The following SLC30A9 variants were observed in gnomAD, a reference collection of about 807,000 sequenced individuals.
The protein encoded by SLC30A9 is proton-coupled zinc antiporter SLC30A9, mitochondrial.
SLC30A9 carries 58 observed loss-of-function variants against 87.5 expected under a neutral mutation model. The ratio of observed to expected loss-of-function variants is 0.66; its 90% confidence interval spans 0.54 to 0.82. The LOEUF is 0.82. Ranked by LOEUF, SLC30A9 falls within the 40% of genes least tolerant of loss-of-function variation. The pLI is 0.00. For missense variants in SLC30A9, 557 were observed against 679.1 expected, an observed-to-expected ratio of 0.82 and a Z score of 2.00; for synonymous variants, 234 against 233.0, an observed-to-expected ratio of 1.00 and a Z score of -0.04.
intron 8 of SLC30A9, among the ~76,000 whole-genome samples, chr4:42,040,090 G>A (rs1344221030): frequency 6.6e-6 from 1 of 152,168 alleles, no homozygotes; most frequent in Non-Finnish European, 1.5e-5. Flanking sequence ...TATGTTCAAG[G>A]ATAGTGACCA....
At chr4:42,079,483 G>A (rs1168835517) in intron 17 of SLC30A9, among the ~76,000 whole-genome samples, 1 of 151,796 alleles carries the variant, frequency 6.6e-6, no homozygotes, top group Non-Finnish European at 1.5e-5. Flanking sequence ...TAGCAGAGAT[G>A]AGGTTTCACC....
intron 8 of SLC30A9, among the ~76,000 whole-genome samples, chr4:42,043,365 G>A (rs370338565): frequency 1.3e-5 from 2 of 152,100 alleles, no homozygotes; most frequent in African/African-American, 2.4e-5. Context: ...CCAGTTTAGA[G>A]AAGAACATAA....
chr4:42,020,391 T>C lies in SLC30A9; in HGVS notation c.335-25T>C, dbSNP rs764077575. 1.3e-5 allele frequency: 14 copies of C among 1,111,396 alleles called. No homozygotes were observed. In the East Asian group the frequency reaches 3.5e-4, roughly 28 times the overall value. The allele number at this position is 1,111,396 out of a possible 1,614,324, so 68.8% of individuals were successfully genotyped here. ...ATGTGACTTTCAATGTGCATATTTATTATGTTTTCCTGTTTTTTGTTTAGT... is the reference window on the plus strand; with the variant it reads ...ATGTGACTTTCAATGTGCATATTTACTATGTTTTCCTGTTTTTTGTTTAGT... On this transcript the variant is annotated intron_variant, in intron 3 of 17. Coordinates refer to ENST00000264451, the MANE Select transcript of SLC30A9 (RefSeq NM_006345.4).
chr4:42,022,946 T>C lies in SLC30A9; in HGVS notation c.527+16T>C. ...TGGAAGCAAAGTAAGAACATAGTTCTTTCAGAATAAAAGTGCAAACCAAAT... is the reference window on the plus strand; with the variant it reads ...TGGAAGCAAAGTAAGAACATAGTTCCTTCAGAATAAAAGTGCAAACCAAAT... On this transcript the variant is annotated intron_variant, in intron 5 of 17. Coordinates refer to ENST00000264451, the MANE Select transcript of SLC30A9 (RefSeq NM_006345.4). 1 of 1,449,922 alleles carries C rather than the reference T, an allele frequency of 6.9e-7. No individual in the cohort carries two copies. Among genetic ancestry groups the C allele is most frequent in the Non-Finnish European group, 9.4e-7 (1 of 1,062,632 alleles). 89.8% of individuals were successfully genotyped at this position (1,449,922 alleles called of 1,614,324 possible).
Position 42,089,873 on chromosome 4 carries a change from A to G in SLC30A9, c.*3747A>G, listed in dbSNP as rs1473869832. 2 of 151,858 alleles carry G rather than the reference A, an allele frequency of 1.3e-5. No individual in the cohort carries two copies. Among genetic ancestry groups the G allele is most frequent in the Non-Finnish European group, 2.9e-5 (2 of 67,928 alleles). The allele number at this position is 151,858 out of a possible 1,614,324, so 9.4% of individuals were successfully genotyped here. On this transcript the variant is annotated 3_prime_UTR_variant, in exon 18 of 18. Transcript: ENST00000264451. ...GTAATCCCTGCATACATCCTCCTAC[A>G]CACACACACATAGTGCAAAGTGAAT...
At chr4:42,055,207 C>G (rs1717553956) in intron 9 of SLC30A9, among the ~76,000 whole-genome samples, 1 of 152,060 alleles carries the variant, frequency 6.6e-6, no homozygotes, top group Admixed American at 6.5e-5. Context: ...CTGGACCTTT[C>G]TGAATAGATG....
intron 2 of SLC30A9, among the ~76,000 whole-genome samples, chr4:42,002,812 T>G (rs977441466): frequency 6.6e-6 from 1 of 152,082 alleles, no homozygotes; most frequent in Non-Finnish European, 1.5e-5. Context: ...TGGCTGGAGT[T>G]CTTTGAGAAA....
At chr4:42,079,441 C>G (rs1718675403) in intron 17 of SLC30A9, among the ~76,000 whole-genome samples, 1 of 151,808 alleles carries the variant, frequency 6.6e-6, no homozygotes, top group African/African-American at 2.4e-5. Context: ...CTACAGGTGC[C>G]TGCCACCATG....
chr4:41,992,363 A>G (rs1577672237), intron 1 of SLC30A9, among the ~76,000 whole-genome samples: 1 of 151,974 alleles, frequency 6.6e-6, no homozygotes, highest in East Asian at 1.9e-4. Context: ...GAAAAGAAAA[A>G]GAAAAATGAA....
intron 6 of SLC30A9, chr4:42,030,227 A>T (rs1473253895): frequency 1.5e-5 from 4 of 270,642 alleles, no homozygotes; most frequent in Non-Finnish European, 2.7e-5. Flanking sequence ...ACCTACACTT[A>T]AAGCATAATC....
At chr4:42,057,421 A>G (rs1204667298) in intron 9 of SLC30A9, among the ~76,000 whole-genome samples, 1 of 152,210 alleles carries the variant, frequency 6.6e-6, no homozygotes, top group Non-Finnish European at 1.5e-5. Flanking sequence ...GCCCAACACC[A>G]CGTGGAAGCT....
At chr4:42,033,542 C>A (rs1056422412) in intron 6 of SLC30A9, among the ~76,000 whole-genome samples, 1 of 152,118 alleles carries the variant, frequency 6.6e-6, no homozygotes, top group Non-Finnish European at 1.5e-5. Flanking sequence ...AAACGCCATA[C>A]CCTTCATAAA....
Position 42,086,074 on chromosome 4 carries a change from CT to C in SLC30A9, c.1663-5del. The C allele has an allele frequency of 6.8e-7, 1 of 1,469,338 alleles. No homozygotes were observed. The highest frequency in any genetic ancestry group is 9.3e-7 in the Non-Finnish European group (1 of 1,076,556). 91.0% of individuals were successfully genotyped at this position (1,469,338 alleles called of 1,614,324 possible). On this transcript the variant is annotated splice_region_variant and splice_polypyrimidine_tract_variant and intron_variant, in intron 17 of 17. Coordinates refer to ENST00000264451, the MANE Select transcript of SLC30A9 (RefSeq NM_006345.4). The stretch of plus-strand genomic sequence containing the variant: ...TACAAATAATGTGGTGGTGATTTTT[CT>C]TTCCAGAAACGAAATCCTGAAGTTC...
chr4:42,063,191 T>C, intron 11 of SLC30A9, 70 bp downstream of exon 11: 1 of 1,343,708 alleles, frequency 7.4e-7, no homozygotes. Context: ...AGAAGGCCTT[T>C]GTCATATTGG....
chr4:41,999,613 A>G (rs1242766297), intron 1 of SLC30A9, among the ~76,000 whole-genome samples: 1 of 152,166 alleles, frequency 6.6e-6, no homozygotes, highest in Non-Finnish European at 1.5e-5. Context: ...AGCAAAATTC[A>G]GCCTGGGAAA....
chr4:42,060,203 T>C lies in SLC30A9; in HGVS notation c.853T>C (p.Leu285=), dbSNP rs1460151987. Residue 285 remains leucine, a synonymous_variant, in exon 10 of 18, where the codon TTG becomes CTG. Coordinates refer to ENST00000264451, the MANE Select transcript of SLC30A9 (RefSeq NM_006345.4). ...TTCTTCTTCATAGGGTTTACTAGCA[T>C]TGGGCATCAGTAAGTCTGTTCAAAC... The part of the protein sequence containing the change: ...SDTCNQGLLA[L]GISKSVQTPD... The C allele has an allele frequency of 1.2e-6, 2 of 1,611,874 alleles. No individual in the cohort carries two copies. The highest frequency in any genetic ancestry group is 1.7e-6 in the Non-Finnish European group (2 of 1,178,318).
At chr4:41,994,221 T>A (rs1714591806) in intron 1 of SLC30A9, among the ~76,000 whole-genome samples, 1 of 152,130 alleles carries the variant, frequency 6.6e-6, no homozygotes, top group Admixed American at 6.6e-5. Context: ...TGTTATTAGG[T>A]AAAAACTGTA....
Position 42,088,702 on chromosome 4 carries a change from T to C in SLC30A9, c.*2576T>C, listed in dbSNP as rs1212395757. The C allele has an allele frequency of 6.6e-6, 1 of 152,222 alleles. No individual in the cohort carries two copies. Among genetic ancestry groups the C allele is most frequent in the Non-Finnish European group, 1.5e-5 (1 of 68,078 alleles). The allele number at this position is 152,222 out of a possible 1,614,324, so 9.4% of individuals were successfully genotyped here. A position where few individuals can be genotyped will look rare whatever the true frequency, so the allele number is the denominator to read the frequency against. Reference sequence around the variant, plus strand: ...ACCAAGAGGGGAAGGTGCTAAAGTATTCATGAGAACTCCACCCCCGTGATC... The same window carrying C: ...ACCAAGAGGGGAAGGTGCTAAAGTACTCATGAGAACTCCACCCCCGTGATC... On this transcript the variant is annotated 3_prime_UTR_variant, in exon 18 of 18. Transcript: ENST00000264451.
chr4:42,077,951 A>T (rs1718620495), intron 16 of SLC30A9, among the ~76,000 whole-genome samples: 1 of 151,936 alleles, frequency 6.6e-6, no homozygotes, highest in African/African-American at 2.4e-5. Context: ...TTTTTTCTTA[A>T]GGGAAAATAT....
Sources: gnomAD v4.1 joint callset for allele counts (sites outside exome capture counted in the v4.1 genomes callset) on GRCh38, gnomAD v4.1.1 for gene constraint, MANE v1.5 for transcripts, NCBI Gene and HGNC (gene_info 2026-07-23, HGNC 2026-07-21) for gene names.